Variants in CAMKMT observed in about 807,000 individuals in gnomAD.
CAMKMT encodes calmodulin-lysine N-methyltransferase, also known as CaM KMT.
Under a neutral mutation model 48.0 loss-of-function variants are expected in CAMKMT, and 53 were observed. That is an observed-to-expected ratio of 1.10 (90% CI 0.89 to 1.39). The LOEUF is 1.39. CAMKMT is among the 40% of genes most tolerant of loss of function. The probability of loss-of-function intolerance (pLI) is 0.00; values close to 1 mark genes in which losing one functional copy is unlikely to be tolerated. For synonymous variants in CAMKMT, 165 were observed against 152.3 expected (o/e 1.08, Z -0.61); for missense variants, 428 against 402.7 (o/e 1.06, Z -0.54).
chr2:44,382,618 A>G (rs999800117), intron 2 of CAMKMT, among the ~76,000 whole-genome samples: 2 of 151,850 alleles, frequency 1.3e-5, no homozygotes, highest in Non-Finnish European at 2.9e-5. Context: ...AGCTGGGACT[A>G]CAGGTGCCTG....
intron 3 of CAMKMT, among the ~76,000 whole-genome samples, chr2:44,613,901 A>G (rs978017201): frequency 1.3e-5 from 2 of 152,184 alleles, no homozygotes; most frequent in Middle Eastern, 3.2e-3. Flanking sequence ...CAATTACATG[A>G]TGTCTAACAG....
intron 3 of CAMKMT, among the ~76,000 whole-genome samples, chr2:44,554,919 G>A (rs1371571842): frequency 6.6e-6 from 1 of 152,112 alleles, no homozygotes; most frequent in African/African-American, 2.4e-5. Flanking sequence ...ATTAGGATCT[G>A]TTAAATAAGA....
At chr2:44,451,135 C>G (rs1031923461) in intron 3 of CAMKMT, among the ~76,000 whole-genome samples, 2 of 152,070 alleles carry the variant, frequency 1.3e-5, no homozygotes, top group African/African-American at 4.8e-5. Flanking sequence ...AGGATGTAAA[C>G]TTCCTAAATC....
intron 7 of CAMKMT, among the ~76,000 whole-genome samples, chr2:44,728,796 CT>C (rs1412215401): frequency 1.8e-5 from 2 of 112,858 alleles, no homozygotes; most frequent in Non-Finnish European, 3.8e-5. Flanking sequence ...TTATTTGTAT[CT>C]TTTATTTCTT....
At chr2:44,592,598 A>T (rs1041851851) in intron 3 of CAMKMT, among the ~76,000 whole-genome samples, 3 of 152,146 alleles carry the variant, frequency 2.0e-5, no homozygotes, top group African/African-American at 7.2e-5. Flanking sequence ...CTGTTTTATT[A>T]TGTTATTATT....
intron 8 of CAMKMT, among the ~76,000 whole-genome samples, chr2:44,751,970 G>C (rs1474249543): frequency 1.3e-5 from 2 of 152,082 alleles, no homozygotes; most frequent in Admixed American, 6.6e-5. Flanking sequence ...TCATTACCAC[G>C]GGGAGTTCAC....
intron 3 of CAMKMT, among the ~76,000 whole-genome samples, chr2:44,530,508 A>G (rs1666426007): frequency 6.6e-6 from 1 of 152,204 alleles, no homozygotes. Flanking sequence ...CATTTTATCT[A>G]GAAAATCACT....
chr2:44,586,721 T>C (rs1369738357), intron 3 of CAMKMT, among the ~76,000 whole-genome samples: 1 of 152,226 alleles, frequency 6.6e-6, no homozygotes, highest in Admixed American at 6.5e-5. Flanking sequence ...TTGATGGACA[T>C]TTGGGTTGTT....
At chr2:44,667,854 C>G (rs750347169) in intron 3 of CAMKMT, among the ~76,000 whole-genome samples, 5 of 152,188 alleles carry the variant, frequency 3.3e-5, no homozygotes, top group African/African-American at 1.2e-4. Context: ...TTGCTCATCA[C>G]TCCCTCCTCC....
chr2:44,530,794 T>A (rs536159555), intron 3 of CAMKMT, among the ~76,000 whole-genome samples: 1 of 152,208 alleles, frequency 6.6e-6, no homozygotes, highest in South Asian at 2.1e-4. Flanking sequence ...TTCTGATTTT[T>A]AAAAATATTG....
At chr2:44,387,800 C>T (rs1479151501) in intron 2 of CAMKMT, among the ~76,000 whole-genome samples, 1 of 152,066 alleles carries the variant, frequency 6.6e-6, no homozygotes, top group Admixed American at 6.6e-5. Context: ...TTATATGATG[C>T]CTTGTTTCAC....
chr2:44,706,395 T>G (rs192672257), intron 5 of CAMKMT, 54 bp downstream of exon 5: 2 of 1,569,152 alleles, frequency 1.3e-6, no homozygotes, highest in African/African-American at 1.3e-5. Context: ...AAAGGAAAAA[T>G]GTTCCAGGGC....
chr2:44,628,519 A>G (rs1672623901), intron 3 of CAMKMT, among the ~76,000 whole-genome samples: 1 of 150,800 alleles, frequency 6.6e-6, no homozygotes, highest in Non-Finnish European at 1.5e-5. Flanking sequence ...GTGAAAGCTT[A>G]GGTCATTGAT....
At chr2:44,523,770 A>ATT (rs70937920) in intron 3 of CAMKMT, among the ~76,000 whole-genome samples, 356 of 89,836 alleles carry the variant, frequency 4.0e-3, no homozygotes, top group East Asian at 0.011. Context: ...GAGAGCGAGC[A>ATT]TTTTTTTTTT....
intron 3 of CAMKMT, among the ~76,000 whole-genome samples, chr2:44,490,594 T>G (rs1669448058): frequency 1.3e-5 from 2 of 150,124 alleles, no homozygotes; most frequent in South Asian, 4.2e-4. Flanking sequence ...TTCTAGAAAC[T>G]AAAATCTCCA....
intron 3 of CAMKMT, among the ~76,000 whole-genome samples, chr2:44,575,771 T>C (rs1260374826): frequency 1.3e-5 from 2 of 151,256 alleles, no homozygotes; most frequent in Non-Finnish European, 2.9e-5. Flanking sequence ...GTGGGAGGAT[T>C]GCTTGAGCTT....
chr2:44,524,208 G>C (rs1671281977), intron 3 of CAMKMT, among the ~76,000 whole-genome samples: 1 of 152,196 alleles, frequency 6.6e-6, no homozygotes, highest in African/African-American at 2.4e-5. Context: ...CTAGATTTAA[G>C]GGATGGGGAC....
intron 3 of CAMKMT, among the ~76,000 whole-genome samples, chr2:44,409,123 A>T (rs1218662722): frequency 1.5e-3 from 6 of 3,976 alleles, no homozygotes; most frequent in South Asian, 0.011. Context: ...ATATATATAT[A>T]TATATATATA....
At chr2:44,735,258 T>C (rs907647260) in intron 7 of CAMKMT, among the ~76,000 whole-genome samples, 1 of 152,248 alleles carries the variant, frequency 6.6e-6, no homozygotes, top group Non-Finnish European at 1.5e-5. Context: ...ATGCATTTAT[T>C]GTAAGCCACA....
Sources: gnomAD v4.1 joint callset for allele counts (sites outside exome capture counted in the v4.1 genomes callset) on GRCh38, gnomAD v4.1.1 for gene constraint, MANE v1.5 for transcripts, NCBI Gene and HGNC (gene_info 2026-07-23, HGNC 2026-07-21) for gene names.